CASK: variants seen among roughly 807,000 people sequenced by gnomAD.
CASK encodes the protein calcium/calmodulin dependent serine protein kinase.
In CASK, 4 loss-of-function variants were observed where a neutral mutation model predicts 82.9. The observed-to-expected ratio is 0.05, with a 90% confidence interval of 0.02 to 0.11. The LOEUF (loss-of-function observed/expected upper bound fraction) is 0.11. Ranked by LOEUF, CASK falls within the 10% of genes least tolerant of loss-of-function variation. The pLI is 1.00. For synonymous variants in CASK, 259 were observed against 253.5 expected (o/e 1.02, Z -0.20); for missense variants, 358 against 720.9 (o/e 0.50, Z 5.76).
intron 5 of CASK, chrX:41,675,770 C>T (rs1300982894): frequency 8.3e-7 from 1 of 1,201,454 alleles, no homozygotes; most frequent in African/African-American, 1.7e-5. Flanking sequence ...ATTTTCCCCT[C>T]CTTCTCCTGC....
intron 5 of CASK, among the ~76,000 whole-genome samples, chrX:41,731,232 C>T (rs1359335950): frequency 8.9e-5 from 10 of 111,883 alleles, no homozygotes; most frequent in Non-Finnish European, 1.5e-4. Flanking sequence ...CCAGCCTGAT[C>T]AACATAGTGA....
intron 8 of CASK, among the ~76,000 whole-genome samples, chrX:41,642,899 T>C (rs1306796665): frequency 8.9e-6 from 1 of 112,284 alleles, no homozygotes; most frequent in Non-Finnish European, 1.9e-5. Context: ...TTTAAGTCTT[T>C]AATCCATCTT....
chrX:41,546,803 G>A (rs777631504), intron 21 of CASK, among the ~76,000 whole-genome samples: 3 of 111,582 alleles, frequency 2.7e-5, no homozygotes, highest in Non-Finnish European at 5.7e-5. Context: ...CTTTGTAAAT[G>A]GTATTTTAAG....
At chrX:41,810,460 C>T (rs1022167782) in intron 2 of CASK, among the ~76,000 whole-genome samples, 3 of 111,341 alleles carry the variant, frequency 2.7e-5, no homozygotes, top group African/African-American at 6.5e-5. Flanking sequence ...ATTTTCAACC[C>T]GGAATTTCAT....
At chrX:41,568,266 A>G (rs1450785698) in intron 16 of CASK, among the ~76,000 whole-genome samples, 1 of 111,297 alleles carries the variant, frequency 9.0e-6, no homozygotes, top group Non-Finnish European at 1.9e-5. Flanking sequence ...AGAAAAAAAA[A>G]AGAAAGAATG....
chrX:41,643,776 G>C (rs1286714676), intron 8 of CASK, among the ~76,000 whole-genome samples: 6 of 111,579 alleles, frequency 5.4e-5, no homozygotes, highest in African/African-American at 1.6e-4. Context: ...TCTTTCTCTT[G>C]CCTGATTGCC....
chrX:41,689,901 C>G (rs2067511070), intron 5 of CASK: 1 of 111,332 alleles, frequency 9.0e-6, no homozygotes, highest in African/African-American at 3.3e-5. Flanking sequence ...TTAAAAGCTT[C>G]TGCTCATCTG....
chrX:41,733,944 T>C (rs2068453179), intron 5 of CASK, among the ~76,000 whole-genome samples: 1 of 111,066 alleles, frequency 9.0e-6, no homozygotes. Flanking sequence ...CAGTGTTATA[T>C]GATAAACACA....
At chrX:41,906,882 C>A (rs1304863568) in intron 1 of CASK, among the ~76,000 whole-genome samples, 1 of 112,713 alleles carries the variant, frequency 8.9e-6, no homozygotes, top group Non-Finnish European at 1.9e-5. Flanking sequence ...TTTTAAAATA[C>A]TGCATTTCCA....
rs188032438 is a variant in CASK, at chrX:41,536,209, C to G, written c.2156-1236G>C. 1.3e-3 allele frequency among the ~76,000 whole-genome samples: 148 copies of G among 110,755 alleles called. 2 individuals carry two copies. The highest frequency in any genetic ancestry group is 4.8e-3 in the African/African-American group (145 of 30,497). On this transcript the variant is annotated intron_variant, in intron 22 of 26. Coordinates refer to ENST00000378163, the MANE Select transcript of CASK (RefSeq NM_001367721.1). ...CTCGGCTCACTGCAACCTCTGCCTC[C>G]CAGGTTCAAGCGATTCTCCTGCCTC...
intron 2 of CASK, among the ~76,000 whole-genome samples, chrX:41,844,666 T>C (rs887409751): frequency 8.9e-6 from 1 of 111,931 alleles, no homozygotes; most frequent in Non-Finnish European, 1.9e-5. Context: ...TTTGGTTTTA[T>C]TGACTTCTTC....
intron 8 of CASK, among the ~76,000 whole-genome samples, chrX:41,643,331 G>C (rs1253595202): frequency 9.0e-6 from 1 of 111,581 alleles, no homozygotes; most frequent in African/African-American, 3.3e-5. Context: ...TAGCTTGATG[G>C]GGATGGCATT....
chrX:41,828,603 C>T (rs1311262819), intron 2 of CASK, among the ~76,000 whole-genome samples: 2 of 111,822 alleles, frequency 1.8e-5, no homozygotes, highest in Admixed American at 1.9e-4. Flanking sequence ...TAAAAATCCC[C>T]TGGCAGTTAT....
chrX:41,606,198 G>A (rs2065958349), intron 12 of CASK, among the ~76,000 whole-genome samples: 1 of 111,845 alleles, frequency 8.9e-6, no homozygotes, highest in African/African-American at 3.2e-5. Flanking sequence ...TAGGGTATGA[G>A]GGCACATTCT....
chrX:41,557,960 T>TC (rs373592766), intron 18 of CASK, among the ~76,000 whole-genome samples: 123 of 111,478 alleles, frequency 1.1e-3, no homozygotes, highest in African/African-American at 3.8e-3. Flanking sequence ...ACATTTTTTT[T>TC]CCCCAGATGA....
rs187838299 is a variant in CASK, at chrX:41,783,080, G to A, written c.278+4098C>T. On this transcript the variant is annotated intron_variant, in intron 3 of 26. Transcript: ENST00000378163. Reference sequence around the variant, plus strand: ...AATCGCTTGAACCCAGGAGGTGGAGGCTGAAGTGAGCCAAGATGGCGCCAC... The same window carrying A: ...AATCGCTTGAACCCAGGAGGTGGAGACTGAAGTGAGCCAAGATGGCGCCAC... Among the ~76,000 whole-genome samples, 137 of 111,588 alleles carry A rather than the reference G, an allele frequency of 1.2e-3. 2 individuals carry two copies. The highest frequency in any genetic ancestry group is 4.3e-3 in the African/African-American group (133 of 30,675).
At chrX:41,833,948 C>A (rs1309325883) in intron 2 of CASK, among the ~76,000 whole-genome samples, 1 of 110,726 alleles carries the variant, frequency 9.0e-6, no homozygotes, top group East Asian at 2.8e-4. Flanking sequence ...TGGGGTTTTG[C>A]CATGTTGTGC....
intron 25 of CASK, among the ~76,000 whole-genome samples, chrX:41,528,498 T>C (rs975603057): frequency 8.9e-6 from 1 of 112,009 alleles, no homozygotes; most frequent in Non-Finnish European, 1.9e-5. Flanking sequence ...GGTCCACATG[T>C]AGTTTGGCAG....
At chrX:41,555,085 T>C (rs961337911) in intron 20 of CASK, among the ~76,000 whole-genome samples, 1 of 112,664 alleles carries the variant, frequency 8.9e-6, no homozygotes, top group Non-Finnish European at 1.9e-5. Flanking sequence ...ACTTAACTTT[T>C]CATGTTTGAA....
Sources: allele counts gnomAD v4.1 joint callset (sites outside exome capture counted in the v4.1 genomes callset), GRCh38; gene constraint gnomAD v4.1.1; transcripts MANE v1.5; gene names NCBI Gene and HGNC (gene_info 2026-07-23, HGNC 2026-07-21).